WDR70: variants seen among roughly 807,000 people sequenced by gnomAD.
The protein encoded by WDR70 is WD repeat-containing protein 70.
WDR70 carries 53 observed loss-of-function variants against 88.6 expected under a neutral mutation model. The observed-to-expected ratio is 0.60, with a 90% CI of 0.48 to 0.75. WDR70 has a LOEUF of 0.75. WDR70 is among the 30% of genes least tolerant of loss of function. The probability of loss-of-function intolerance (pLI) is 0.00; values close to 1 mark genes in which losing one functional copy is unlikely to be tolerated. For synonymous variants in WDR70, 280 were observed against 270.0 expected (o/e 1.04, Z -0.36); for missense variants, 610 against 823.2 (o/e 0.74, Z 3.17).
intron 13 of WDR70, among the ~76,000 whole-genome samples, chr5:37,714,858 A>G (rs932362617): frequency 2.6e-5 from 4 of 152,150 alleles, no homozygotes; most frequent in African/African-American, 9.7e-5. Flanking sequence ...GCAAACTTTT[A>G]CTGTTTTGAA....
chr5:37,557,482 T>C (rs1425482635), intron 9 of WDR70, among the ~76,000 whole-genome samples: 1 of 152,232 alleles, frequency 6.6e-6, no homozygotes, highest in Non-Finnish European at 1.5e-5. Context: ...AGGTGAACTC[T>C]TATAAGCACT....
chr5:37,477,671 G>A (rs923755636), intron 7 of WDR70, among the ~76,000 whole-genome samples: 3 of 152,156 alleles, frequency 2.0e-5, no homozygotes, highest in Non-Finnish European at 4.4e-5. Flanking sequence ...TGAGGTTGAT[G>A]CTTTCTGGGA....
chr5:37,390,622 G>C (rs904211744), intron 3 of WDR70, among the ~76,000 whole-genome samples: 7 of 151,790 alleles, frequency 4.6e-5, no homozygotes, highest in Non-Finnish European at 8.8e-5. Context: ...TTACAGGCGT[G>C]AGCCACCACA....
At chr5:37,688,012 T>C (rs575367078) in intron 10 of WDR70, 321 of 658,226 alleles carry the variant, frequency 4.9e-4, no homozygotes, top group Non-Finnish European at 7.9e-4. Context: ...TTTAAGGTTC[T>C]TTATCTCACT....
intron 10 of WDR70, among the ~76,000 whole-genome samples, chr5:37,691,228 A>G (rs1746785661): frequency 6.6e-6 from 1 of 152,218 alleles, no homozygotes; most frequent in Non-Finnish European, 1.5e-5. Flanking sequence ...AAGTCCTTAG[A>G]GACCTACAGA....
At chr5:37,727,339 T>C (rs887306396) in intron 17 of WDR70, among the ~76,000 whole-genome samples, 1 of 152,182 alleles carries the variant, frequency 6.6e-6, no homozygotes, top group Non-Finnish European at 1.5e-5. Context: ...TCACTGCTTA[T>C]GTGCATTATC....
intron 10 of WDR70, among the ~76,000 whole-genome samples, chr5:37,695,816 A>G (rs1158528328): frequency 6.6e-6 from 1 of 152,148 alleles, no homozygotes; most frequent in Non-Finnish European, 1.5e-5. Flanking sequence ...TGACCATATA[A>G]GGTATTCATG....
chr5:37,711,987 C>CTTTTTTT (rs70978842), intron 13 of WDR70, among the ~76,000 whole-genome samples: 12 of 104,020 alleles, frequency 1.2e-4, no homozygotes, highest in South Asian at 3.1e-4. Context: ...TATATTTTTT[C>CTTTTTTT]TTTTTTTTTT....
intron 9 of WDR70, among the ~76,000 whole-genome samples, chr5:37,534,916 A>AT (rs905986419): frequency 3.7e-4 from 54 of 147,830 alleles, no homozygotes; most frequent in Middle Eastern, 3.5e-3. Context: ...TGTTTGGTTG[A>AT]TTTTTTTTTT....
chr5:37,429,074 A>G (rs1308627860), intron 5 of WDR70, among the ~76,000 whole-genome samples: 1 of 152,192 alleles, frequency 6.6e-6, no homozygotes, highest in Non-Finnish European at 1.5e-5. Context: ...GGCTCAAGCA[A>G]TTCCTTCTGC....
intron 9 of WDR70, among the ~76,000 whole-genome samples, chr5:37,582,857 C>A (rs778611201): frequency 1.4e-4 from 22 of 152,216 alleles, no homozygotes; most frequent in Non-Finnish European, 2.9e-4. Flanking sequence ...CATCTTGTTT[C>A]AGCATGGGCT....
chr5:37,725,097 G>A (rs780673750), intron 16 of WDR70, 47 bp downstream of exon 16: 2 of 1,540,328 alleles, frequency 1.3e-6, no homozygotes, highest in African/African-American at 1.4e-5. Flanking sequence ...TCAGAGGCAG[G>A]GTGGGGTAAT....
At chr5:37,578,806 C>T (rs902528386) in intron 9 of WDR70, among the ~76,000 whole-genome samples, 4 of 152,158 alleles carry the variant, frequency 2.6e-5, no homozygotes, top group Admixed American at 6.5e-5. Flanking sequence ...GTGTAATACA[C>T]TCAAACATAC....
chr5:37,627,788 C>T (rs1367537391), intron 10 of WDR70, among the ~76,000 whole-genome samples: 1 of 152,010 alleles, frequency 6.6e-6, no homozygotes. Context: ...AGATAAGATG[C>T]GTCATATCTT....
chr5:37,604,919 G>A (rs754613016), intron 9 of WDR70, 145 bp from the exon 10 acceptor site: 7 of 654,646 alleles, frequency 1.1e-5, no homozygotes, highest in Non-Finnish European at 1.4e-5. Context: ...ATCTTTTACA[G>A]TGCATGTCTT....
intron 10 of WDR70, among the ~76,000 whole-genome samples, chr5:37,674,610 A>G (rs889700976): frequency 9.2e-5 from 14 of 151,930 alleles, no homozygotes; most frequent in African/African-American, 3.1e-4. Context: ...TATGTGCCAC[A>G]TTTTCTTAAT....
intron 9 of WDR70, among the ~76,000 whole-genome samples, chr5:37,563,297 G>A (rs1269919903): frequency 4.0e-5 from 2 of 49,966 alleles, no homozygotes; most frequent in African/African-American, 1.3e-4. Flanking sequence ...CTGGCCGGGC[G>A]GGGGGCTGGC....
At chr5:37,590,943 A>T (rs1200237929) in intron 9 of WDR70, among the ~76,000 whole-genome samples, 2 of 152,200 alleles carry the variant, frequency 1.3e-5, no homozygotes, top group Non-Finnish European at 1.5e-5. Flanking sequence ...AAATAATAAA[A>T]AGGAAAGAGC....
chr5:37,589,167 A>G (rs1245246741), intron 9 of WDR70, among the ~76,000 whole-genome samples: 2 of 151,804 alleles, frequency 1.3e-5, no homozygotes, highest in Admixed American at 6.6e-5. Context: ...AGTTGGGTTT[A>G]TAGGTGTGAA....
Sources: gnomAD v4.1 joint callset for allele counts (sites outside exome capture counted in the v4.1 genomes callset) on GRCh38, gnomAD v4.1.1 for gene constraint, MANE v1.5 for transcripts, NCBI Gene and HGNC (gene_info 2026-07-23, HGNC 2026-07-21) for gene names.